Variants in TMEM38B observed in about 807,000 individuals in gnomAD.
TMEM38B encodes the protein trimeric intracellular cation channel type B.
In TMEM38B, 24 loss-of-function variants were observed where a neutral mutation model predicts 28.7. The observed-to-expected ratio is 0.84, with a 90% CI of 0.61 to 1.18. The LOEUF (loss-of-function observed/expected upper bound fraction) is 1.18. TMEM38B is among the 50% of genes most tolerant of loss of function. The pLI is 0.00. For synonymous variants in TMEM38B, 131 were observed against 127.7 expected, an observed-to-expected ratio of 1.03 and a Z score of -0.17; for missense variants, 380 against 350.9, an observed-to-expected ratio of 1.08 and a Z score of -0.66.
chr9:105,753,045 T>C (rs1006536225), intron 5 of TMEM38B, among the ~76,000 whole-genome samples: 8 of 152,008 alleles, frequency 5.3e-5, no homozygotes, highest in Admixed American at 1.3e-4. Context: ...AACAGCAGAA[T>C]ACATGAAGCA....
intron 2 of TMEM38B, among the ~76,000 whole-genome samples, chr9:105,717,224 A>G (rs952783520): frequency 1.3e-5 from 2 of 152,318 alleles, no homozygotes; most frequent in African/African-American, 4.8e-5. Flanking sequence ...CTTCAGAAGT[A>G]ACCATTATCT....
intron 4 of TMEM38B, among the ~76,000 whole-genome samples, chr9:105,732,426 G>T (rs953537661): frequency 2.6e-5 from 4 of 152,160 alleles, no homozygotes; most frequent in Non-Finnish European, 5.9e-5. Context: ...TTCTTCCAGG[G>T]ATTTTATGGT....
chr9:105,763,697 T>C (rs1484968907), intron 5 of TMEM38B, among the ~76,000 whole-genome samples: 1 of 152,004 alleles, frequency 6.6e-6, no homozygotes, highest in African/African-American at 2.4e-5. Flanking sequence ...TTCCAATCAA[T>C]AGAAAAAGAG....
In TMEM38B at chr9:105,773,963, A is replaced by G; in HGVS notation, c.759A>G (p.Ser253=). Residue 253 remains serine (S), a synonymous_variant, in exon 6 of 6, where the codon TCA becomes TCG. Coordinates refer to ENST00000374692, the MANE Select transcript of TMEM38B (RefSeq NM_018112.3). ...MLFGWQQPFS[S]CEKKSEAKSP... is the part of the protein sequence containing the mutation. ...TTGGCTGGCAGCAGCCGTTTTCATC[A>G]TGTGAGAAGAAAAGTGAAGCAAAGT... The G allele has an allele frequency of 6.2e-7, 1 of 1,613,828 alleles. No individual in the cohort carries two copies. Among genetic ancestry groups the G allele is most frequent in the Non-Finnish European group, 8.5e-7 (1 of 1,179,810 alleles).
At chr9:105,731,505 G>C (rs1404311369) in intron 4 of TMEM38B, among the ~76,000 whole-genome samples, 2 of 151,984 alleles carry the variant, frequency 1.3e-5, no homozygotes, top group African/African-American at 4.8e-5. Flanking sequence ...CCCACCCTGT[G>C]TCCAAGTGTT....
chr9:105,694,929 T>G (rs1006811460), intron 1 of TMEM38B, among the ~76,000 whole-genome samples, 157 bp downstream of exon 1: 4 of 152,104 alleles, frequency 2.6e-5, no homozygotes, highest in Non-Finnish European at 5.9e-5. Context: ...GGCCGGTTGG[T>G]CTGACTTACT....
intron 2 of TMEM38B, among the ~76,000 whole-genome samples, chr9:105,710,096 T>C (rs1294324459): frequency 6.6e-6 from 1 of 152,234 alleles, no homozygotes; most frequent in Non-Finnish European, 1.5e-5. Flanking sequence ...CTTCAATTAT[T>C]CCATGTAGTT....
intron 2 of TMEM38B, among the ~76,000 whole-genome samples, chr9:105,716,376 G>T (rs1836097624): frequency 6.6e-6 from 1 of 151,260 alleles, no homozygotes; most frequent in South Asian, 2.1e-4. Flanking sequence ...TGTAGCATTT[G>T]TGTGTGTGTG....
At chr9:105,705,886 C>A (rs1588390567) in intron 2 of TMEM38B, 133 bp downstream of exon 2, 6 of 853,430 alleles carry the variant, frequency 7.0e-6, no homozygotes, top group African/African-American at 1.7e-5. Context: ...GGAAGGAACC[C>A]AAATAATGCT....
At position 105,775,897 on chromosome 9, in the gene TMEM38B, G is replaced by A. The variant is rs1439472722; in HGVS notation, c.*1817G>A. 1.3e-5 allele frequency: 2 copies of A among 152,042 alleles called. No homozygotes were observed. The highest frequency in any genetic ancestry group is 4.8e-5 in the African/African-American group (2 of 41,386). 9.4% of individuals were successfully genotyped at this position (152,042 alleles called of 1,614,324 possible). On this transcript the variant is annotated 3_prime_UTR_variant, in exon 6 of 6. Coordinates refer to ENST00000374692, the MANE Select transcript of TMEM38B (RefSeq NM_018112.3). Reference sequence around the variant, plus strand: ...CTCATCTAGTATTTTGACTAATATAGTATATATTCAGTGATTACTGTTCAA... The same window carrying A: ...CTCATCTAGTATTTTGACTAATATAATATATATTCAGTGATTACTGTTCAA...
At chr9:105,722,233 G>A (rs1836343890) in intron 3 of TMEM38B, among the ~76,000 whole-genome samples, 3 of 151,948 alleles carry the variant, frequency 2.0e-5, no homozygotes, top group African/African-American at 7.3e-5. Context: ...ACCTGAAACC[G>A]GTCGTATCAG....
rs1240338372 is a variant in TMEM38B at position 105,775,945 on chromosome 9, ATTAAT to A, written c.*1866_*1870del. 2 of 152,204 alleles carry A rather than the reference ATTAAT, an allele frequency of 1.3e-5. No individual in the cohort carries two copies. Among genetic ancestry groups the A allele is most frequent in the Non-Finnish European group, 2.9e-5 (2 of 68,036 alleles). 9.4% of individuals were successfully genotyped at this position (152,204 alleles called of 1,614,324 possible). ...CAAATGGGACATTGGTAGAAACTTTATTAATCTATGCAAGTATCCTATAACCCTCA... is the reference window on the plus strand; with the variant it reads ...CAAATGGGACATTGGTAGAAACTTTACTATGCAAGTATCCTATAACCCTCA... On this transcript the variant is annotated 3_prime_UTR_variant, in exon 6 of 6. Transcript: ENST00000374692.
intron 2 of TMEM38B, among the ~76,000 whole-genome samples, chr9:105,720,586 C>T (rs769587450): frequency 7.9e-5 from 12 of 151,946 alleles, no homozygotes; most frequent in Non-Finnish European, 1.6e-4. Context: ...TTTATTTAGT[C>T]GCTGAAGCAG....
chr9:105,761,245 A>G (rs1047666594), intron 5 of TMEM38B, among the ~76,000 whole-genome samples: 1 of 152,144 alleles, frequency 6.6e-6, no homozygotes, highest in African/African-American at 2.4e-5. Flanking sequence ...TCTTTTGTAT[A>G]TTCTTTTTCC....
chr9:105,730,219 A>C (rs974246266), intron 4 of TMEM38B, among the ~76,000 whole-genome samples: 2 of 152,150 alleles, frequency 1.3e-5, no homozygotes, highest in African/African-American at 2.4e-5. Context: ...TGGGTTTGTC[A>C]TAAATAGCTC....
intron 4 of TMEM38B, among the ~76,000 whole-genome samples, chr9:105,724,179 C>G (rs1215447246): frequency 6.6e-6 from 1 of 152,066 alleles, no homozygotes; most frequent in Non-Finnish European, 1.5e-5. Flanking sequence ...TCTCATGTAC[C>G]TAAAAATGAG....
At chr9:105,709,780 A>G (rs376075372) in intron 2 of TMEM38B, among the ~76,000 whole-genome samples, 1 of 152,242 alleles carries the variant, frequency 6.6e-6, no homozygotes, top group African/African-American at 2.4e-5. Flanking sequence ...GCCAATGATT[A>G]AGCAGAAAAC....
intron 2 of TMEM38B, chr9:105,710,385 G>T: frequency 1.2e-6 from 1 of 832,650 alleles, no homozygotes; most frequent in Non-Finnish European, 2.0e-6. Context: ...TGAAAAGACT[G>T]ACTTCATGAT....
intron 4 of TMEM38B, among the ~76,000 whole-genome samples, chr9:105,736,002 T>G (rs1321556553): frequency 6.6e-6 from 1 of 152,042 alleles, no homozygotes; most frequent in Non-Finnish European, 1.5e-5. Context: ...CAAAAATAGC[T>G]GGTATTTAGA....
Sources: gnomAD v4.1 joint callset for allele counts (sites outside exome capture counted in the v4.1 genomes callset) on GRCh38, gnomAD v4.1.1 for gene constraint, MANE v1.5 for transcripts, NCBI Gene and HGNC (gene_info 2026-07-23, HGNC 2026-07-21) for gene names.